SMARCC2: variants seen among roughly 807,000 people sequenced by gnomAD.
SMARCC2 encodes SWI/SNF complex subunit SMARCC2.
A neutral mutation model predicts 151.3 loss-of-function variants in SMARCC2; 15 were observed. The observed-to-expected ratio is 0.10, with a 90% CI of 0.07 to 0.15. The LOEUF (loss-of-function observed/expected upper bound fraction) is 0.15, where lower values mean the gene tolerates loss of function less well. SMARCC2 is among the 10% of genes least tolerant of loss of function. SMARCC2 has a pLI of 1.00. For missense variants in SMARCC2, 1,031 were observed against 1,599.7 expected (o/e 0.64, Z 6.06); for synonymous variants, 590 against 609.5 (o/e 0.97, Z 0.47).
At chr12:56,188,147 T>A (rs1185122941) in intron 1 of SMARCC2, among the ~76,000 whole-genome samples, 1 of 152,164 alleles carries the variant, frequency 6.6e-6, no homozygotes, top group Non-Finnish European at 1.5e-5. Flanking sequence ...GCTAAGAGCA[T>A]GGAAGCTGAA....
chr12:56,189,426 C>G lies in SMARCC2; in HGVS notation c.36G>C (p.Val12=). Residue 12 remains valine, a synonymous_variant, in exon 1 of 29, where the codon GTG becomes GTC. Coordinates refer to ENST00000550164, the MANE Select transcript of SMARCC2 (RefSeq NM_001330288.2). The stretch of plus-strand genomic sequence containing the variant: ...CGGTGTCCGCGGCCTCGTAGTACTT[C>G]ACGTTGGGGCCGCCGTCCTTCTTCC... ...AVRKKDGGPN[V]KYYEAADTVT... 6.6e-7 allele frequency: 1 copy of G among 1,514,952 alleles called. No individual in the cohort carries two copies. Among genetic ancestry groups the G allele is most frequent in the Non-Finnish European group, 8.9e-7 (1 of 1,124,538 alleles). The allele number at this position is 1,514,952 out of a possible 1,614,324, so 93.8% of individuals were successfully genotyped here.
chr12:56,163,817 C>T (rs1354337884), intron 28 of SMARCC2, 52 bp from the exon 29 acceptor site: 1 of 1,200,402 alleles, frequency 8.3e-7, no homozygotes. Flanking sequence ...GAGATGGCTC[C>T]AGACCCAGAC....
rs760742155 is a variant in SMARCC2, at chr12:56,178,538, C to G, written c.1180-4G>C. The G allele has an allele frequency of 1.2e-6, 2 of 1,614,180 alleles. No individual in the cohort carries two copies. The highest frequency in any genetic ancestry group is 1.7e-6 in the Non-Finnish European group (2 of 1,180,016). ...CCGTACTGTTCTCATCCTCATCCTA[C>G]GAGTATGGAGGCTGCTGGACACTCA... On this transcript the variant is annotated splice_polypyrimidine_tract_variant and splice_region_variant and intron_variant, in intron 13 of 28. Transcript: ENST00000550164.
At chr12:56,172,559 C>A in intron 19 of SMARCC2, 26 bp downstream of exon 19, 1 of 1,614,092 alleles carries the variant, frequency 6.2e-7, no homozygotes, top group Non-Finnish European at 8.5e-7. Context: ...CATTCTCTAC[C>A]CCTAGAGTCG....
intron 28 of SMARCC2, among the ~76,000 whole-genome samples, 159 bp downstream of exon 28, chr12:56,164,144 C>T (rs779443318): frequency 3.3e-5 from 5 of 152,190 alleles, no homozygotes; most frequent in African/African-American, 7.2e-5. Context: ...TGGTGGAGGA[C>T]GGCCAGAGAG....
chr12:56,189,286 G>T, intron 1 of SMARCC2, 65 bp downstream of exon 1: 2 of 1,023,684 alleles, frequency 2.0e-6, no homozygotes, highest in Non-Finnish European at 2.8e-6. Context: ...GGATCCCGGG[G>T]CTGCAGGGCC....
chr12:56,164,484 A>T lies in SMARCC2; in HGVS notation c.3480T>A (p.Thr1160=), dbSNP rs758608451. The T allele has an allele frequency of 6.2e-7, 1 of 1,614,092 alleles. No individual in the cohort carries two copies. Among genetic ancestry groups the T allele is most frequent in the South Asian group, 1.1e-5 (1 of 91,076 alleles). Residue 1160 remains threonine, a synonymous_variant, in exon 28 of 29, where the codon ACT becomes ACA. Coordinates refer to ENST00000550164, the MANE Select transcript of SMARCC2 (RefSeq NM_001330288.2). ...ACACAGGCAGGTTAGGTGGGGGGAGAGTGCCCGGGGCGAACGGGAGATGGT... is the reference window on the plus strand; with the variant it reads ...ACACAGGCAGGTTAGGTGGGGGGAGTGTGCCCGGGGCGAACGGGAGATGGT... ...HHHHLPFAPG[T]LPPPNLPVSM...
Position 56,166,166 on chromosome 12 carries a change from G to C in SMARCC2, c.2851-467C>G, listed in dbSNP as rs567521289. ...GCAATCTCTTTATTTTTTTGAGACT[G>C]AGTCTCACTCTGTCACCCAGGCTGG... On this transcript the variant is annotated intron_variant, in intron 26 of 28. Coordinates refer to ENST00000550164, the MANE Select transcript of SMARCC2 (RefSeq NM_001330288.2). Among the ~76,000 whole-genome samples, 7 of 152,232 alleles carry C rather than the reference G, an allele frequency of 4.6e-5. No homozygotes were observed. In the East Asian group the frequency reaches 1.3e-3, roughly 29 times the overall value.
rs757880003 is a variant in SMARCC2 at position 56,187,286 on chromosome 12, G to C, written c.132C>G (p.Pro44=). The change falls in exon 2 of 29, where the codon CCC becomes CCG. Residue 44 remains proline, a synonymous_variant. Transcript: ENST00000550164. ...CCAGGCTAGACAGGGACTTGTTGGTGGGTGGTTCAGCTTGTATATACTAAG... is the reference window on the plus strand; with the variant it reads ...CCAGGCTAGACAGGGACTTGTTGGTCGGTGGTTCAGCTTGTATATACTAAG... The part of the protein sequence containing the change: ...NYKKYIQAEP[P]TNKSLSSLVV... 1.2e-6 allele frequency: 2 copies of C among 1,613,478 alleles called. No individual in the cohort carries two copies. The highest frequency in any genetic ancestry group is 1.1e-5 in the South Asian group (1 of 91,044).
At chr12:56,184,731 C>G in intron 5 of SMARCC2, 113 bp downstream of exon 5, 1 of 671,210 alleles carries the variant, frequency 1.5e-6, no homozygotes, top group East Asian at 2.7e-5. Flanking sequence ...TCCAAGTAGA[C>G]AGAGCCACCT....
Position 56,171,882 on chromosome 12 carries a change from C to T in SMARCC2, c.1982G>A (p.Arg661His). Residue 661 changes from arginine to histidine, a missense_variant, in exon 21 of 29, where the codon CGC becomes CAC. Physicochemically the swap from Arg to His is conservative, Grantham distance 29 (BLOSUM62 0). This residue lies in a region of SMARCC2 where 51 missense variants were observed against 137.9 expected (regional missense o/e 0.37). Coordinates refer to ENST00000550164, the MANE Select transcript of SMARCC2 (RefSeq NM_001330288.2). The surrounding 1 kb of genome is among the most constrained non-coding windows in gnomAD (Gnocchi z 4.2). ...ATGCAAGATGCACTCGTCCTGTGTG[C>T]GGCTTCCCACATGCTCGGACACTTT... is the stretch of plus-strand genomic sequence containing the variant. ...WNKVSEHVGS[R>H]TQDECILHFL... The T allele has an allele frequency of 3.7e-6, 6 of 1,613,690 alleles. No individual in the cohort carries two copies. The highest frequency in any genetic ancestry group is 2.2e-5 in the East Asian group (1 of 44,862).
In SMARCC2 at chr12:56,184,005, A is replaced by G. The variant is rs1876761437; in HGVS notation, c.563-75T>C. The G allele has an allele frequency of 2.6e-6, 3 of 1,163,426 alleles. No homozygotes were observed. In the Admixed American group the frequency reaches 5.6e-5, roughly 22 times the overall value. The allele number at this position is 1,163,426 out of a possible 1,614,324, so 72.1% of individuals were successfully genotyped here. On this transcript the variant is annotated intron_variant, in intron 6 of 28. Transcript: ENST00000550164. Reference sequence around the variant, plus strand: ...AAAAAAATACTGTACAAAAGCCCTAACTAATGCACTCTCCTGTTGTAGCAG... The same window carrying G: ...AAAAAAATACTGTACAAAAGCCCTAGCTAATGCACTCTCCTGTTGTAGCAG...
intron 18 of SMARCC2, 103 bp downstream of exon 18, chr12:56,172,834 C>A: frequency 6.4e-7 from 1 of 1,565,234 alleles, no homozygotes; most frequent in South Asian, 1.1e-5. Context: ...GACTTCCTCC[C>A]TTACTGCTGT....
chr12:56,189,321 T>C, intron 1 of SMARCC2, 30 bp downstream of exon 1: 6 of 1,377,788 alleles, frequency 4.4e-6, no homozygotes, highest in South Asian at 2.7e-5. Flanking sequence ...CCGCCCCCGG[T>C]CCCCGCGCGG....
At position 56,178,833 on chromosome 12, in the gene SMARCC2, C is replaced by T. The variant is rs1246480328; in HGVS notation, c.1156G>A (p.Glu386Lys). ...ACCTTGCCCGTCGTCTCCATGCTTT[C>T]ATCTTCCTGTTCATCTGAAAGAGAA... is the stretch of plus-strand genomic sequence containing the variant. ...TMTDLDEQED[E>K]SMETTGKDED... Residue 386 changes from glutamate to lysine, a missense_variant, in exon 13 of 29, where the codon GAA becomes AAA. Glu to Lys is a moderately conservative substitution (Grantham distance 56). Around this residue, in one of 12 missense-constraint regions of SMARCC2, gnomAD observed 127 missense variants for 141.7 expected, o/e 0.90. Transcript: ENST00000550164. The T allele has an allele frequency of 3.7e-6, 6 of 1,614,166 alleles. No homozygotes were observed. Among genetic ancestry groups the T allele is most frequent in the Non-Finnish European group, 4.2e-6 (5 of 1,179,996 alleles).
At position 56,165,631 on chromosome 12, in the gene SMARCC2, C is replaced by G. The variant is rs116595430; in HGVS notation, c.2919G>C (p.Ala973=). The change falls in exon 27 of 29, where the codon GCG becomes GCC. Residue 973 remains alanine (A), a synonymous_variant. Coordinates refer to ENST00000550164, the MANE Select transcript of SMARCC2 (RefSeq NM_001330288.2). ...AGTGCTGCTGCCGAGCCCTCATCTC[C>G]GCATACTTCAGCTGCTCCATGTGGA... ...QAFHMEQLKY[A]EMRARQQHFQ... The G allele has an allele frequency of 4.3e-6, 7 of 1,613,588 alleles. No homozygotes were observed. Among genetic ancestry groups the G allele is most frequent in the African/African-American group, 1.3e-5 (1 of 75,060 alleles).
chr12:56,166,816 C>T (rs1022558215), intron 26 of SMARCC2, among the ~76,000 whole-genome samples: 9 of 152,132 alleles, frequency 5.9e-5, no homozygotes, highest in East Asian at 1.9e-4. Context: ...GAAATCCCAG[C>T]GCTTTGGGAG....
At chr12:56,167,502 C>T (rs1473617556) in intron 26 of SMARCC2, among the ~76,000 whole-genome samples, 7 of 152,192 alleles carry the variant, frequency 4.6e-5, no homozygotes, top group Admixed American at 3.3e-4. Context: ...TGTGCCCAGT[C>T]CCTATTGTCT....
At chr12:56,169,246 G>A (rs77500889) in intron 25 of SMARCC2, among the ~76,000 whole-genome samples, 2,420 of 152,298 alleles carry the variant, frequency 0.016, 31 homozygotes, top group Non-Finnish European at 0.024. Context: ...AGTGAGCCGA[G>A]ATCTGACAGA....
Sources: allele counts gnomAD v4.1 joint callset (sites outside exome capture counted in the v4.1 genomes callset), GRCh38; gene constraint gnomAD v4.1.1; regional missense constraint gnomAD v4.1.1; non-coding constraint Gnocchi (gnomAD v3.1); transcripts MANE v1.5; gene names NCBI Gene and HGNC (gene_info 2026-07-23, HGNC 2026-07-21).